The following GLDN variants were observed in gnomAD, a reference collection of about 807,000 sequenced individuals.
GLDN encodes collomin.
A neutral mutation model predicts 56.5 loss-of-function variants in GLDN; 47 were observed. The ratio of observed to expected loss-of-function variants is 0.83; its 90% CI spans 0.66 to 1.06. GLDN has a LOEUF of 1.06. GLDN is among the 50% of genes least tolerant of loss of function. The pLI is 0.00. For synonymous variants in GLDN, 332 were observed against 278.8 expected (o/e 1.19, Z -1.90); for missense variants, 782 against 714.3 (o/e 1.09, Z -1.08).
Position 51,366,552 on chromosome 15 carries a change from A to G in GLDN, c.364-10897A>G, listed in dbSNP as rs533215740. On this transcript the variant is annotated intron_variant, in intron 1 of 9. Coordinates refer to ENST00000335449, the MANE Select transcript of GLDN (RefSeq NM_181789.4). ...ATAAGTCTTAGTAAGATTTATTCAGATTACATTTTGAATTCAGTTGTCAAA... is the reference window on the plus strand; with the variant it reads ...ATAAGTCTTAGTAAGATTTATTCAGGTTACATTTTGAATTCAGTTGTCAAA... Among the ~76,000 whole-genome samples, 14 of 152,370 alleles carry G rather than the reference A, an allele frequency of 9.2e-5. No homozygotes were observed. The East Asian group carries it at 2.5e-3, about 27-fold the overall frequency.
intron 6 of GLDN, among the ~76,000 whole-genome samples, chr15:51,399,695 C>T (rs943456534): frequency 6.6e-6 from 1 of 152,208 alleles, no homozygotes; most frequent in African/African-American, 2.4e-5. Flanking sequence ...CGGTGTTTCC[C>T]TGCCTGATGT....
intron 1 of GLDN, among the ~76,000 whole-genome samples, chr15:51,348,784 G>A (rs1403626897): frequency 6.6e-6 from 1 of 151,976 alleles, no homozygotes; most frequent in Non-Finnish European, 1.5e-5. Flanking sequence ...CATTGTTAGG[G>A]GCCATGTTAG....
At chr15:51,378,912 C>T (rs1482074713) in intron 2 of GLDN, among the ~76,000 whole-genome samples, 5 of 152,134 alleles carry the variant, frequency 3.3e-5, no homozygotes, top group South Asian at 4.2e-4. Context: ...GCATTGGTCT[C>T]GAGCCCTAAG....
chr15:51,348,081 C>T (rs1448207778), intron 1 of GLDN, among the ~76,000 whole-genome samples: 1 of 152,194 alleles, frequency 6.6e-6, no homozygotes, highest in South Asian at 2.1e-4. Flanking sequence ...GACTTTTGAA[C>T]CATGTGACTG....
In GLDN at chr15:51,353,734, A is replaced by AAAAAAAAAAAAAAAAAAAC. The variant is rs60404846; in HGVS notation, c.363+11687_363+11688insAAAAAAAAAAAAAAAAAAC. The stretch of plus-strand genomic sequence containing the variant: ...TTGATTAAAAAAAAAAAAAAAAAAA[A>AAAAAAAAAAAAAAAAAAAC]CCACAGTCAATTAAAAAAAAAAAAA... On this transcript the variant is annotated intron_variant, in intron 1 of 9. Transcript: ENST00000335449. 7.1e-4 allele frequency among the ~76,000 whole-genome samples: 92 copies of AAAAAAAAAAAAAAAAAAAC among 128,854 alleles called. 1 individual carries two copies. The highest frequency in any genetic ancestry group is 1.2e-3 in the Non-Finnish European group (72 of 61,762). 84.5% of individuals were successfully genotyped at this position (128,854 alleles called of 152,430 possible).
chr15:51,345,790 A>G (rs2036967021), intron 1 of GLDN, among the ~76,000 whole-genome samples: 1 of 152,242 alleles, frequency 6.6e-6, no homozygotes, highest in South Asian at 2.1e-4. Context: ...AAATATGTTA[A>G]GAAGTGAGAG....
At chr15:51,355,716 G>A (rs1279763624) in intron 1 of GLDN, among the ~76,000 whole-genome samples, 3 of 149,194 alleles carry the variant, frequency 2.0e-5, no homozygotes, top group Non-Finnish European at 3.0e-5. Flanking sequence ...GTAGAGACGG[G>A]GTTTCACCGT....
intron 2 of GLDN, among the ~76,000 whole-genome samples, chr15:51,383,122 C>A (rs1330520042): frequency 6.6e-6 from 1 of 152,154 alleles, no homozygotes; most frequent in South Asian, 2.1e-4. Flanking sequence ...GCACTCATGG[C>A]CACCAGCATT....
intron 1 of GLDN, among the ~76,000 whole-genome samples, chr15:51,350,446 A>T (rs1379827018): frequency 6.6e-6 from 1 of 152,160 alleles, no homozygotes; most frequent in Non-Finnish European, 1.5e-5. Flanking sequence ...GAGCCTGGGA[A>T]GTGGGTTTCC....
At chr15:51,344,758 A>T (rs1313062635) in intron 1 of GLDN, among the ~76,000 whole-genome samples, 1 of 152,240 alleles carries the variant, frequency 6.6e-6, no homozygotes, top group African/African-American at 2.4e-5. Context: ...ATCCAAGATG[A>T]ACCTCAATTT....
At chr15:51,364,318 A>G (rs1242787101) in intron 1 of GLDN, among the ~76,000 whole-genome samples, 1 of 152,160 alleles carries the variant, frequency 6.6e-6, no homozygotes, top group Non-Finnish European at 1.5e-5. Context: ...TATATCTTCA[A>G]GTTCACTAAC....
intron 1 of GLDN, among the ~76,000 whole-genome samples, chr15:51,359,383 G>T (rs368447441): frequency 6.6e-6 from 1 of 152,230 alleles, no homozygotes; most frequent in African/African-American, 2.4e-5. Flanking sequence ...CACAGCTAAG[G>T]CTGCAGGATC....
intron 2 of GLDN, among the ~76,000 whole-genome samples, chr15:51,378,586 T>C (rs2037687614): frequency 6.6e-6 from 1 of 152,146 alleles, no homozygotes; most frequent in South Asian, 2.1e-4. Flanking sequence ...GACGGAGCTA[T>C]TGAGACCACT....
intron 2 of GLDN, among the ~76,000 whole-genome samples, chr15:51,379,417 C>G (rs1439236407): frequency 1.3e-5 from 2 of 152,230 alleles, no homozygotes; most frequent in Non-Finnish European, 2.9e-5. Flanking sequence ...GGCAGAAGCA[C>G]TACACATTCT....
At chr15:51,372,397 T>C (rs2037534669) in intron 1 of GLDN, among the ~76,000 whole-genome samples, 1 of 152,222 alleles carries the variant, frequency 6.6e-6, no homozygotes, top group African/African-American at 2.4e-5. Context: ...CGTTGCTGCA[T>C]TGATCTTCCC....
chr15:51,365,633 T>C (rs748580963), intron 1 of GLDN, among the ~76,000 whole-genome samples: 3 of 152,246 alleles, frequency 2.0e-5, no homozygotes, highest in Non-Finnish European at 4.4e-5. Context: ...CGAGCTAGAA[T>C]TCAGAGTATG....
At chr15:51,356,458 G>C (rs544461818) in intron 1 of GLDN, among the ~76,000 whole-genome samples, 17 of 152,310 alleles carry the variant, frequency 1.1e-4, no homozygotes, top group Admixed American at 8.5e-4. Flanking sequence ...GACATTAAAA[G>C]AGAGAAGGAA....
At chr15:51,347,775 A>C (rs1377249511) in intron 1 of GLDN, among the ~76,000 whole-genome samples, 2 of 152,228 alleles carry the variant, frequency 1.3e-5, no homozygotes, top group Non-Finnish European at 1.5e-5. Context: ...GTAAAAGCAA[A>C]AGACTGTAAA....
At chr15:51,384,245 T>C (rs1786272161) in intron 4 of GLDN, 2 of 302,478 alleles carry the variant, frequency 6.6e-6, no homozygotes, top group African/African-American at 2.3e-5. Flanking sequence ...GCTCAGCTCC[T>C]GCCTTGCCCT....
Sources: gnomAD v4.1 joint callset for allele counts (sites outside exome capture counted in the v4.1 genomes callset) on GRCh38, gnomAD v4.1.1 for gene constraint, MANE v1.5 for transcripts, NCBI Gene and HGNC (gene_info 2026-07-23, HGNC 2026-07-21) for gene names.